The following PDE4D variants were observed in gnomAD, a reference collection of about 807,000 sequenced individuals.
PDE4D encodes 3',5'-cyclic-AMP phosphodiesterase 4D.
A neutral mutation model predicts 87.4 loss-of-function variants in PDE4D; 24 were observed. That is an observed-to-expected ratio of 0.27 (90% confidence interval 0.20 to 0.39). The LOEUF (loss-of-function observed/expected upper bound fraction) is 0.39, where lower values mean the gene tolerates loss of function less well. PDE4D is among the 10% of genes least tolerant of loss of function. The pLI is 1.00. For synonymous variants in PDE4D, 384 were observed against 383.2 expected, an observed-to-expected ratio of 1.00 and a Z score of -0.02; for missense variants, 714 against 1,041.0, an observed-to-expected ratio of 0.69 and a Z score of 4.32.
chr5:60,107,484 G>A (rs1777124520), intron 2 of PDE4D, among the ~76,000 whole-genome samples: 1 of 152,176 alleles, frequency 6.6e-6, no homozygotes, highest in South Asian at 2.1e-4. Context: ...TAGAAAAAGA[G>A]GGAATCCTCC....
chr5:60,137,269 A>T (rs1407598649), intron 2 of PDE4D, among the ~76,000 whole-genome samples: 1 of 152,190 alleles, frequency 6.6e-6, no homozygotes, highest in Non-Finnish European at 1.5e-5. Context: ...ATACACGTGC[A>T]TGTGTCTTTA....
intron 1 of PDE4D, among the ~76,000 whole-genome samples, chr5:60,343,024 T>C (rs1287185527): frequency 2.0e-5 from 3 of 152,210 alleles, no homozygotes; most frequent in Non-Finnish European, 4.4e-5. Context: ...AAATTAAATA[T>C]GTATTCTTTC....
chr5:60,248,610 T>C (rs1001369598), intron 1 of PDE4D, among the ~76,000 whole-genome samples: 4 of 151,994 alleles, frequency 2.6e-5, no homozygotes, highest in African/African-American at 9.7e-5. Flanking sequence ...GCAAAGGAAA[T>C]AGGACAGACT....
intron 1 of PDE4D, among the ~76,000 whole-genome samples, chr5:59,817,718 ACGCG>A (rs1017084248): frequency 1.3e-5 from 2 of 150,834 alleles, no homozygotes; most frequent in South Asian, 2.1e-4. Flanking sequence ...GCATGCAGGC[ACGCG>A]CGCGCGCGCA....
upstream of PDE4D, among the ~76,000 whole-genome samples, chr5:59,896,088 A>T: frequency 6.6e-6 from 1 of 152,232 alleles, no homozygotes; most frequent in African/African-American, 2.4e-5. Context: ...TTGAGGTTAC[A>T]GCTTGAGTTC....
chr5:60,268,158 T>C (rs77862526), intron 1 of PDE4D, among the ~76,000 whole-genome samples: 7,314 of 152,056 alleles, frequency 0.048, 472 homozygotes, highest in African/African-American at 0.15. Context: ...ATAGTCAAGG[T>C]CATATAAGGA....
chr5:60,299,677 T>G (rs1208001357), intron 1 of PDE4D, among the ~76,000 whole-genome samples: 1 of 152,170 alleles, frequency 6.6e-6, no homozygotes, highest in African/African-American at 2.4e-5. Context: ...CTGCATTAGT[T>G]TGCTGAGGAC....
At chr5:59,709,655 G>A (rs1753927927) in intron 1 of PDE4D, among the ~76,000 whole-genome samples, 1 of 152,138 alleles carries the variant, frequency 6.6e-6, no homozygotes, top group African/African-American at 2.4e-5. Context: ...AGTGCTCAAG[G>A]ATCTCATCTC....
chr5:58,978,005 A>C (rs1203534613), intron 11 of PDE4D, among the ~76,000 whole-genome samples: 1 of 152,122 alleles, frequency 6.6e-6, no homozygotes, highest in Non-Finnish European at 1.5e-5. Context: ...CCTCTGGTGA[A>C]GATTCTGCCA....
chr5:59,890,703 T>C (rs1244026642), intron 1 of PDE4D, among the ~76,000 whole-genome samples: 1 of 152,182 alleles, frequency 6.6e-6, no homozygotes, highest in African/African-American at 2.4e-5. Context: ...AGACTTGGGT[T>C]TCAGTCTTAG....
In PDE4D at chr5:59,620,359, A is replaced by T. The variant is rs563872492; in HGVS notation, c.455+272809T>A. Among the ~76,000 whole-genome samples the T allele has an allele frequency of 3.9e-5, 6 of 152,260 alleles. No individual in the cohort carries two copies. The East Asian group carries it at 9.6e-4, about 24-fold the overall frequency. On this transcript the variant is annotated intron_variant, in intron 1 of 14. Transcript: ENST00000340635. ...ATCTCCTGTTTGGGTTTATGAGGAG[A>T]ACAATGAAGGGTTAGCAAGAAAGCA...
chr5:59,762,669 T>C (rs1269774816), intron 1 of PDE4D, among the ~76,000 whole-genome samples: 1 of 148,736 alleles, frequency 6.7e-6, no homozygotes, highest in African/African-American at 2.5e-5. Context: ...TATAGGTACG[T>C]ATGTGTATAT....
At chr5:60,201,556 G>A (rs771681926) in intron 1 of PDE4D, among the ~76,000 whole-genome samples, 128 of 151,974 alleles carry the variant, frequency 8.4e-4, no homozygotes, top group Non-Finnish European at 1.6e-3. Flanking sequence ...TTTTGTTATC[G>A]TCACTTTCAC....
At chr5:59,242,664 T>C (rs1460900798) in intron 1 of PDE4D, among the ~76,000 whole-genome samples, 1 of 152,164 alleles carries the variant, frequency 6.6e-6, no homozygotes, top group Admixed American at 6.5e-5. Flanking sequence ...CGATAATGAG[T>C]TCACATTTAT....
intron 1 of PDE4D, among the ~76,000 whole-genome samples, chr5:59,244,668 A>ATG (rs1162437569): frequency 1.7e-4 from 18 of 107,008 alleles, no homozygotes; most frequent in East Asian, 1.2e-3. Flanking sequence ...ATATGTATGT[A>ATG]TGTGTGTGTG....
intron 5 of PDE4D, among the ~76,000 whole-genome samples, chr5:59,067,961 TGTCA>T (rs1159282341): frequency 6.6e-6 from 1 of 152,230 alleles, no homozygotes; most frequent in African/African-American, 2.4e-5. Context: ...ACTCATATGT[TGTCA>T]GTTTTTCATG....
chr5:59,890,929 T>C (rs1383819589), intron 1 of PDE4D, among the ~76,000 whole-genome samples: 1 of 152,246 alleles, frequency 6.6e-6, no homozygotes, highest in African/African-American at 2.4e-5. Flanking sequence ...CTTTAAAGAA[T>C]GAAACTAATA....
intron 1 of PDE4D, among the ~76,000 whole-genome samples, chr5:59,401,850 A>G (rs2153614489): frequency 6.6e-6 from 1 of 152,328 alleles, no homozygotes; most frequent in Non-Finnish European, 1.5e-5. Flanking sequence ...TGTTTCTGAC[A>G]CACCTGTCTT....
intron 2 of PDE4D, among the ~76,000 whole-genome samples, chr5:60,048,585 T>C (rs994486704): frequency 7.9e-5 from 12 of 152,246 alleles, no homozygotes; most frequent in African/African-American, 2.4e-4. Flanking sequence ...TCTCAGCATT[T>C]GCTTGTCTGT....
Sources: allele counts gnomAD v4.1 joint callset (sites outside exome capture counted in the v4.1 genomes callset), GRCh38; gene constraint gnomAD v4.1.1; transcripts MANE v1.5; gene names NCBI Gene and HGNC (gene_info 2026-07-23, HGNC 2026-07-21).